The following ASTN2 variants were observed in gnomAD, a reference collection of about 807,000 sequenced individuals.
ASTN2 encodes the protein astrotactin-2.
A neutral mutation model predicts 139.8 loss-of-function variants in ASTN2; 54 were observed. That is an observed-to-expected ratio of 0.39 (90% confidence interval 0.31 to 0.48). The LOEUF (loss-of-function observed/expected upper bound fraction) is 0.48, where lower values mean the gene tolerates loss of function less well. Ranked by LOEUF, ASTN2 falls within the 20% of genes least tolerant of loss-of-function variation. ASTN2 has a pLI of 0.95. For synonymous variants in ASTN2, 756 were observed against 719.5 expected, an observed-to-expected ratio of 1.05 and a Z score of -0.81; for missense variants, 1,565 against 1,725.1, an observed-to-expected ratio of 0.91 and a Z score of 1.64.
intron 5 of ASTN2, among the ~76,000 whole-genome samples, chr9:117,065,445 C>T (rs1827907690): frequency 6.6e-6 from 1 of 152,132 alleles, no homozygotes; most frequent in Admixed American, 6.6e-5. Flanking sequence ...TTGACTGAAC[C>T]CATGAGCTGG....
intron 17 of ASTN2, among the ~76,000 whole-genome samples, chr9:116,634,577 G>A (rs1411395512): frequency 1.5e-4 from 20 of 129,894 alleles, no homozygotes; most frequent in Non-Finnish European, 2.5e-4. Context: ...GCGACAGAGC[G>A]AGACTCCGTC....
At chr9:117,350,757 G>T (rs542723991) in intron 1 of ASTN2, among the ~76,000 whole-genome samples, 1 of 152,094 alleles carries the variant, frequency 6.6e-6, no homozygotes, top group African/African-American at 2.4e-5. Context: ...AATCTTCTAC[G>T]TTAGGCTAAG....
chr9:117,336,666 T>C (rs888645449), intron 1 of ASTN2, among the ~76,000 whole-genome samples: 5 of 152,204 alleles, frequency 3.3e-5, no homozygotes, highest in African/African-American at 9.6e-5. Flanking sequence ...CTAGGTTTTC[T>C]GCCACATTCC....
At chr9:116,566,383 T>C (rs1013853816) in intron 19 of ASTN2, among the ~76,000 whole-genome samples, 4 of 152,204 alleles carry the variant, frequency 2.6e-5, no homozygotes, top group African/African-American at 9.7e-5. Context: ...GACAGCCTCC[T>C]TAGCCATCAT....
intron 2 of ASTN2, among the ~76,000 whole-genome samples, chr9:117,281,628 A>G (rs1343496368): frequency 6.6e-6 from 1 of 152,158 alleles, no homozygotes; most frequent in Admixed American, 6.5e-5. Flanking sequence ...AAGGGGAGGA[A>G]AATGTGGAAC....
At chr9:116,945,072 A>C (rs1588431424) in intron 10 of ASTN2, among the ~76,000 whole-genome samples, 1 of 152,060 alleles carries the variant, frequency 6.6e-6, no homozygotes, top group South Asian at 2.1e-4. Context: ...TCTCAAAATG[A>C]CTCCGTTCAA....
At chr9:117,044,794 T>C (rs1482259448) in intron 5 of ASTN2, among the ~76,000 whole-genome samples, 1 of 152,190 alleles carries the variant, frequency 6.6e-6, no homozygotes, top group Non-Finnish European at 1.5e-5. Flanking sequence ...GGTCTGGGCA[T>C]GGGGAAAATA....
At chr9:117,052,434 T>C (rs4838120) in intron 5 of ASTN2, among the ~76,000 whole-genome samples, 35,379 of 136,574 alleles carry the variant, frequency 0.26, 5,483 homozygotes, top group East Asian at 0.56. Flanking sequence ...GACTCCATCT[T>C]AAAAAAAAAA....
chr9:117,271,608 A>C (rs1460015120), intron 2 of ASTN2, among the ~76,000 whole-genome samples: 1 of 152,310 alleles, frequency 6.6e-6, no homozygotes, highest in Admixed American at 6.5e-5. Flanking sequence ...TAAAATCAAA[A>C]GCAAGGTAGT....
chr9:116,711,456 T>A (rs1828158886), intron 16 of ASTN2, among the ~76,000 whole-genome samples: 1 of 152,218 alleles, frequency 6.6e-6, no homozygotes, highest in Non-Finnish European at 1.5e-5. Context: ...GACGATACCA[T>A]CTTTTTCTAT....
chr9:116,591,260 C>T (rs917250719), intron 19 of ASTN2, among the ~76,000 whole-genome samples: 2 of 152,170 alleles, frequency 1.3e-5, no homozygotes, highest in Non-Finnish European at 2.9e-5. Flanking sequence ...TGGTGCCAGC[C>T]ATGGAAGCTG....
intron 10 of ASTN2, among the ~76,000 whole-genome samples, chr9:116,916,979 C>A (rs989336810): frequency 6.6e-5 from 10 of 152,028 alleles, no homozygotes; most frequent in Admixed American, 2.0e-4. Context: ...GCTGGAAAAA[C>A]CCTCTATGGA....
At chr9:116,701,659 A>G (rs1254721623) in intron 16 of ASTN2, among the ~76,000 whole-genome samples, 4 of 152,170 alleles carry the variant, frequency 2.6e-5, no homozygotes, top group African/African-American at 4.8e-5. Context: ...CAGCATTTAG[A>G]TCTCTACCCA....
chr9:117,271,900 C>G (rs1834074665), intron 2 of ASTN2, among the ~76,000 whole-genome samples: 1 of 152,186 alleles, frequency 6.6e-6, no homozygotes, highest in African/African-American at 2.4e-5. Flanking sequence ...CATTGAGTGT[C>G]TGCAGCTTTT....
At chr9:116,910,933 C>A (rs1435674421) in intron 10 of ASTN2, among the ~76,000 whole-genome samples, 3 of 152,134 alleles carry the variant, frequency 2.0e-5, no homozygotes, top group Non-Finnish European at 4.4e-5. Context: ...GTCTGAGCAG[C>A]TCAAAGACGG....
intron 2 of ASTN2, among the ~76,000 whole-genome samples, chr9:117,277,676 G>A (rs1834227012): frequency 6.6e-6 from 1 of 152,160 alleles, no homozygotes; most frequent in Admixed American, 6.5e-5. Context: ...CCTAGTAATA[G>A]TGGTAGTGCA....
chr9:116,779,022 T>C (rs562778545), intron 13 of ASTN2, among the ~76,000 whole-genome samples: 1 of 152,314 alleles, frequency 6.6e-6, no homozygotes, highest in Admixed American at 6.5e-5. Context: ...TAAAAAGCAA[T>C]TACACTTTAA....
At chr9:116,754,970 G>A (rs145001767) in intron 13 of ASTN2, among the ~76,000 whole-genome samples, 15 of 152,146 alleles carry the variant, frequency 9.9e-5, no homozygotes, top group African/African-American at 1.4e-4. Context: ...ACCTGGACAC[G>A]GACTCATCAC....
intron 10 of ASTN2, among the ~76,000 whole-genome samples, chr9:116,880,957 G>T (rs1833437167): frequency 6.6e-6 from 1 of 152,210 alleles, no homozygotes; most frequent in Non-Finnish European, 1.5e-5. Context: ...ACGTCATGAG[G>T]TCCTCAAAAT....
Sources: allele counts gnomAD v4.1 joint callset (sites outside exome capture counted in the v4.1 genomes callset), GRCh38; gene constraint gnomAD v4.1.1; transcripts MANE v1.5; gene names NCBI Gene and HGNC (gene_info 2026-07-23, HGNC 2026-07-21).